The following SH2B1 variants were observed in gnomAD, a reference collection of about 807,000 sequenced individuals.
SH2B1 encodes SH2B adaptor protein 1, also known as SH2B adapter protein 1.
SH2B1 carries 15 observed loss-of-function variants against 62.6 expected under a neutral mutation model. The ratio of observed to expected loss-of-function variants is 0.24; its 90% confidence interval spans 0.16 to 0.37. The LOEUF is 0.37. Ranked by LOEUF, SH2B1 falls within the 10% of genes least tolerant of loss-of-function variation. SH2B1 has a pLI of 1.00. For missense variants in SH2B1, 925 were observed against 1,015.6 expected, an observed-to-expected ratio of 0.91 and a Z score of 1.21; for synonymous variants, 443 against 438.0, an observed-to-expected ratio of 1.01 and a Z score of -0.14.
chr16:28,872,006 T>C lies in SH2B1; in HGVS notation c.1513+23T>C, dbSNP rs28433345. 988,639 of 1,489,392 alleles carry C rather than the reference T, an allele frequency of 0.66. 331,705 individuals are homozygous for C. Among genetic ancestry groups the C allele is most frequent in the South Asian group, 0.85 (75,342 of 88,636 alleles). The allele number at this position is 1,489,392 out of a possible 1,614,324, so 92.3% of individuals were successfully genotyped here. A position where few individuals can be genotyped will look rare whatever the true frequency, so the allele number is the denominator to read the frequency against. On this transcript the variant is annotated intron_variant, in intron 5 of 7. Coordinates refer to ENST00000684370, the MANE Select transcript of SH2B1 (RefSeq NM_001387430.1). The surrounding 1 kb of genome is among the most constrained non-coding windows in gnomAD (Gnocchi z 5.3). ...CAGGTACCGGAGGTGTGAGTGTGCA[T>C]GTCTCCAGGCCTGGGTGCCTACCTT...
Position 28,869,228 on chromosome 16 carries a change from C to T in SH2B1, c.1154C>T (p.Pro385Leu), listed in dbSNP as rs751716247. The change falls in exon 4 of 8, where the codon CCC becomes CTC. Residue 385 changes from proline (P) to leucine (L), a missense_variant. By Grantham distance (98) the Pro-to-Leu change is moderately conservative. Around this residue, in one of 3 missense-constraint regions of SH2B1, gnomAD observed 683 missense variants for 704.0 expected, o/e 0.97. Transcript: ENST00000684370. Reference sequence around the variant, plus strand: ...TGCAGACCCTGCCCTGCTACCAGTCCCCGCCCCATGACCCTCCCTCTGGCC... The same window carrying T: ...TGCAGACCCTGCCCTGCTACCAGTCTCCGCCCCATGACCCTCCCTCTGGCC... ...LSPGPCPATS[P>L]RPMTLPLAPG... 6 of 1,614,132 alleles carry T rather than the reference C, an allele frequency of 3.7e-6. No individual in the cohort carries two copies. The East Asian group carries it at 8.9e-5, about 24-fold the overall frequency.
At position 28,869,021 on chromosome 16, in the gene SH2B1, G is replaced by A. The variant is rs747007890; in HGVS notation, c.1057G>A (p.Glu353Lys). The A allele has an allele frequency of 2.5e-6, 4 of 1,614,038 alleles. No homozygotes were observed. The highest frequency in any genetic ancestry group is 1.7e-5 in the Admixed American group (1 of 60,014). Residue 353 changes from glutamate (E) to lysine (K), a missense_variant, in exon 3 of 8, where the codon GAG becomes AAG. Coordinates refer to ENST00000684370, the MANE Select transcript of SH2B1 (RefSeq NM_001387430.1). ...TFVVKVEGPS[E>K]YIMETVDAQH... The stretch of plus-strand genomic sequence containing the variant: ...ATCTCTGTAGGTGGAAGGTCCATCC[G>A]AGTATATCATGGAGACAGTGGATGC...
In SH2B1 at chr16:28,852,558, T is replaced by TG. The variant is rs1567458808; in HGVS notation, c.-301+5731_-301+5732insG. On this transcript the variant is annotated intron_variant, in intron 1 of 10. Transcript: ENST00000322610. Reference sequence around the variant, plus strand: ...CATATATTTATATATATACACATATTTATATATATACACATATATATTTAT... The same window carrying TG: ...CATATATTTATATATATACACATATTGTATATATATACACATATATATTTAT... 3.5e-4 allele frequency among the ~76,000 whole-genome samples: 6 copies of TG among 17,260 alleles called. 2 individuals carry two copies. The highest frequency in any genetic ancestry group is 4.6e-4 in the Non-Finnish European group (6 of 13,056). 11.3% of individuals were successfully genotyped at this position (17,260 alleles called of 152,430 possible).
intron 2 of SH2B1, among the ~76,000 whole-genome samples, 154 bp downstream of exon 2, chr16:28,867,586 G>A (rs921206805): frequency 1.3e-5 from 2 of 152,234 alleles, no homozygotes; most frequent in African/African-American, 4.8e-5. Flanking sequence ...TGGGATAGCG[G>A]AAGACAGGGA....
chr16:28,855,757 C>T (rs899908329), intron 1 of SH2B1, among the ~76,000 whole-genome samples: 28 of 150,136 alleles, frequency 1.9e-4, no homozygotes, highest in African/African-American at 4.4e-4. Context: ...CTCCTGCCTC[C>T]GCCTCCGGAG....
At position 28,869,226 on chromosome 16, in the gene SH2B1, T is replaced by G. The variant is rs1207912814; in HGVS notation, c.1152T>G (p.Ser384Arg). 1 of 1,613,836 alleles carries G rather than the reference T, an allele frequency of 6.2e-7. No homozygotes were observed. The highest frequency in any genetic ancestry group is 1.3e-5 in the African/African-American group (1 of 74,844). The change falls in exon 4 of 8, where the codon AGT becomes AGG. Residue 384 changes from serine to arginine, a missense_variant. This residue lies in a region of SH2B1 where 683 missense variants were observed against 704.0 expected (regional missense o/e 0.97). Coordinates refer to ENST00000684370, the MANE Select transcript of SH2B1 (RefSeq NM_001387430.1). ...TCTGCAGACCCTGCCCTGCTACCAG[T>G]CCCCGCCCCATGACCCTCCCTCTGG... is the stretch of plus-strand genomic sequence containing the variant. Reference protein sequence around the residue: ...CLSPGPCPATSPRPMTLPLAP... With the variant: ...CLSPGPCPATRPRPMTLPLAP...
chr16:28,867,099 T>C (rs1270356281), intron 1 of SH2B1, 66 bp downstream of exon 1: 1 of 1,589,986 alleles, frequency 6.3e-7, no homozygotes, highest in East Asian at 2.2e-5. Context: ...GTCACAGCCC[T>C]GCAGATAAGC....
chr16:28,858,365 T>A (rs1458589717), intron 1 of SH2B1, among the ~76,000 whole-genome samples: 4 of 152,104 alleles, frequency 2.6e-5, no homozygotes, highest in African/African-American at 9.7e-5. Context: ...ATACAAAGAT[T>A]AGCTGGGTGT....
rs755049475 is a variant in SH2B1, at chr16:28,866,148, G to A, written c.54G>A (p.Leu18=). Residue 18 remains leucine, a synonymous_variant, in exon 1 of 8, where the codon CTG becomes CTA. Coordinates refer to ENST00000684370, the MANE Select transcript of SH2B1 (RefSeq NM_001387430.1). The surrounding 1 kb of genome is among the most constrained non-coding windows in gnomAD (Gnocchi z 6.3). ...GGGCCTCCCCCTCGTCTCCCCCGCT[G>A]CCCCCACCCCCGCCCCCTAGTTGGC... The part of the protein sequence containing the change: ...EDGASPSSPP[L]PPPPPPSWRE... 8.4e-6 allele frequency: 13 copies of A among 1,540,400 alleles called. No individual in the cohort carries two copies. The East Asian group carries it at 2.6e-4, about 31-fold the overall frequency.
In SH2B1 at chr16:28,874,169, G is replaced by C. The variant is rs539198210; in HGVS notation, c.*349G>C. On this transcript the variant is annotated 3_prime_UTR_variant, in exon 8 of 8. Transcript: ENST00000684370. ...TGTTGTTGTTGTTTTAAACAAAATG[G>C]AGAAGCATAAATAAATAAAAAGGTT... is the stretch of plus-strand genomic sequence containing the variant. 1 of 230,666 alleles carries C rather than the reference G, an allele frequency of 4.3e-6. No individual in the cohort carries two copies. Among genetic ancestry groups the C allele is most frequent in the African/African-American group, 2.2e-5 (1 of 44,640 alleles). The allele number at this position is 230,666 out of a possible 1,614,324, so 14.3% of individuals were successfully genotyped here.
Position 28,873,544 on chromosome 16 carries a change from A to G in SH2B1, c.1995A>G (p.Glu665=), listed in dbSNP as rs766755084. The G allele has an allele frequency of 1.6e-5, 26 of 1,604,260 alleles. No homozygotes were observed. The East Asian group carries it at 5.6e-4, about 35-fold the overall frequency. ...PGAEEASRAP[E]VAAAAAAAAK... ...CAGAAGAGGCGTCGAGGGCGCCAGA[A>G]GTGGCGGCAGCAGCAGCCGCAGCAG... is the stretch of plus-strand genomic sequence containing the variant. The change falls in exon 8 of 8, where the codon GAA becomes GAG. Residue 665 remains glutamate, a synonymous_variant. Transcript: ENST00000684370. This position sits in a 1 kb window ranked among gnomAD's most constrained non-coding sequence, Gnocchi z 4.2.
At chr16:28,867,546 G>C (rs563782361) in intron 2 of SH2B1, 114 bp downstream of exon 2, 16 of 766,374 alleles carry the variant, frequency 2.1e-5, no homozygotes, top group South Asian at 1.9e-4. Flanking sequence ...CCAGTGCCTT[G>C]AGAGTGTGTC....
rs899412029 is a variant in SH2B1 at position 28,853,247 on chromosome 16, A to G, written c.-301+6420A>G. ...TATATAAATATATATATATATATGC[A>G]CACACACATACATATATTGGCTGGG... On this transcript the variant is annotated intron_variant, in intron 1 of 10. Coordinates refer to the SH2B1 transcript ENST00000322610. 1.1e-4 allele frequency among the ~76,000 whole-genome samples: 16 copies of G among 142,436 alleles called. 1 individual carries two copies. The highest frequency in any genetic ancestry group is 2.3e-4 in the Non-Finnish European group (15 of 65,662). The allele number at this position is 142,436 out of a possible 152,430, so 93.4% of individuals were successfully genotyped here. A position where few individuals can be genotyped will look rare whatever the true frequency, so the allele number is the denominator to read the frequency against.
chr16:28,860,582 C>G (rs1290010473), upstream of SH2B1, among the ~76,000 whole-genome samples: 1 of 152,128 alleles, frequency 6.6e-6, no homozygotes, highest in African/African-American at 2.4e-5. Context: ...CCTCAAACCA[C>G]TACCATTTGG....
chr16:28,865,901 C>T lies in SH2B1; in HGVS notation c.-194C>T. The T allele has an allele frequency of 7.2e-7, 1 of 1,382,332 alleles. No individual in the cohort carries two copies. The highest frequency in any genetic ancestry group is 1.7e-5 in the South Asian group (1 of 57,344). 85.6% of individuals were successfully genotyped at this position (1,382,332 alleles called of 1,614,324 possible). A position where few individuals can be genotyped will look rare whatever the true frequency, so the allele number is the denominator to read the frequency against. On this transcript the variant is annotated 5_prime_UTR_variant, in exon 1 of 8. Transcript: ENST00000684370. ...AGGTGTTGGGCTCCCTTCCCCATTG[C>T]TCTCTGCGGAGTCTGAAGTAGGGTC...
At position 28,869,441 on chromosome 16, in the gene SH2B1, C is replaced by G. The variant is rs533721834; in HGVS notation, c.1309+58C>G. ...CGGAACCTGCCATGCGGGGCCCCTG[C>G]TGTCAGGCGCCATGCCCTCTCCAGA... On this transcript the variant is annotated intron_variant, in intron 4 of 7. Transcript: ENST00000684370. 7.3e-6 allele frequency: 11 copies of G among 1,501,632 alleles called. No individual in the cohort carries two copies. In the African/African-American group the frequency reaches 1.1e-4, roughly 15 times the overall value. The allele number at this position is 1,501,632 out of a possible 1,614,324, so 93.0% of individuals were successfully genotyped here.
At position 28,852,925 on chromosome 16, in the gene SH2B1, T is replaced by TATATATGTACATATATA. The variant is rs1246780535; in HGVS notation, c.-301+6098_-301+6099insATATATGTACATATATA. ...TTATATATACATGTACATATATATA[T>TATATATGTACATATATA]TTTTATATATATGTACATATATATT... On this transcript the variant is annotated intron_variant, in intron 1 of 10. Transcript: ENST00000322610. Among the ~76,000 whole-genome samples, 7 of 51,168 alleles carry TATATATGTACATATATA rather than the reference T, an allele frequency of 1.4e-4. 1 individual carries two copies. Among genetic ancestry groups the TATATATGTACATATATA allele is most frequent in the South Asian group, 4.8e-4 (1 of 2,104 alleles). 33.6% of individuals were successfully genotyped at this position (51,168 alleles called of 152,430 possible).
chr16:28,867,283 G>GCT (rs1027785641), intron 1 of SH2B1, 48 bp from the exon 2 acceptor site: 7 of 1,453,292 alleles, frequency 4.8e-6, no homozygotes, highest in Non-Finnish European at 6.8e-6. Context: ...GGGGAAGAGT[G>GCT]GTCTTTGGAA....
In SH2B1 at chr16:28,866,021, C is replaced by A; in HGVS notation, c.-74C>A. On this transcript the variant is annotated 5_prime_UTR_variant, in exon 1 of 8. Coordinates refer to ENST00000684370, the MANE Select transcript of SH2B1 (RefSeq NM_001387430.1). This position sits in a 1 kb window ranked among gnomAD's most constrained non-coding sequence, Gnocchi z 6.3. Reference sequence around the variant, plus strand: ...TCTCTTCCTTTCGCAGCTGCTGCCGCCCACCCCTCGTCTTCTGGCTGCCTC... The same window carrying A: ...TCTCTTCCTTTCGCAGCTGCTGCCGACCACCCCTCGTCTTCTGGCTGCCTC... 1 of 1,501,064 alleles carries A rather than the reference C, an allele frequency of 6.7e-7. No homozygotes were observed. 93.0% of individuals were successfully genotyped at this position (1,501,064 alleles called of 1,614,324 possible).
Sources: allele counts gnomAD v4.1 joint callset (sites outside exome capture counted in the v4.1 genomes callset), GRCh38; gene constraint gnomAD v4.1.1; regional missense constraint gnomAD v4.1.1; non-coding constraint Gnocchi (gnomAD v3.1); transcripts MANE v1.5; gene names NCBI Gene and HGNC (gene_info 2026-07-23, HGNC 2026-07-21).